Variants in BRINP3 observed in about 807,000 individuals in gnomAD.
BRINP3 encodes BMP/retinoic acid inducible neural specific 3, also known as BMP/retinoic acid-inducible neural-specific protein 3.
BRINP3 carries 19 observed loss-of-function variants against 71.0 expected under a neutral mutation model. The ratio of observed to expected loss-of-function variants is 0.27; its 90% CI spans 0.19 to 0.39. The LOEUF (loss-of-function observed/expected upper bound fraction) is 0.39, where lower values mean the gene tolerates loss of function less well. Ranked by LOEUF, BRINP3 falls within the 10% of genes least tolerant of loss-of-function variation. The probability of loss-of-function intolerance (pLI) is 1.00; values close to 1 mark genes in which losing one functional copy is unlikely to be tolerated. For synonymous variants in BRINP3, 380 were observed against 337.7 expected (o/e 1.13, Z -1.37); for missense variants, 959 against 940.8 (o/e 1.02, Z -0.25).
At chr1:190,444,324 A>G (rs1489162196) in intron 2 of BRINP3, among the ~76,000 whole-genome samples, 1 of 147,762 alleles carries the variant, frequency 6.8e-6, no homozygotes, top group Non-Finnish European at 1.5e-5. Flanking sequence ...TTTAAATCCA[A>G]TTTTCTTCTT....
At position 190,123,189 on chromosome 1, in the gene BRINP3, A is replaced by G. The variant is rs1653824305; in HGVS notation, c.1185-24055T>C. Among the ~76,000 whole-genome samples the G allele has an allele frequency of 2.0e-5, 3 of 152,232 alleles. No homozygotes were observed. The South Asian group carries it at 6.2e-4, about 32-fold the overall frequency. ...TATGATAATACTTGTTGCTTGCTCA[A>G]AAAGTATTGGACTCTTGGCTCTCTG... On this transcript the variant is annotated intron_variant, in intron 7 of 7. Coordinates refer to ENST00000367462, the MANE Select transcript of BRINP3 (RefSeq NM_199051.3).
At chr1:190,167,960 G>A (rs1158698084) in intron 6 of BRINP3, among the ~76,000 whole-genome samples, 1 of 152,024 alleles carries the variant, frequency 6.6e-6, no homozygotes, top group Non-Finnish European at 1.5e-5. Context: ...TATAGGATAG[G>A]GACATCAGAG....
intron 7 of BRINP3, among the ~76,000 whole-genome samples, chr1:190,124,831 A>G (rs1056188876): frequency 1.3e-5 from 2 of 152,094 alleles, no homozygotes; most frequent in African/African-American, 4.8e-5. Context: ...TGCACCACTT[A>G]TGGAAGTAAA....
At chr1:190,417,197 A>G (rs1189064228) in intron 2 of BRINP3, among the ~76,000 whole-genome samples, 1 of 152,076 alleles carries the variant, frequency 6.6e-6, no homozygotes, top group African/African-American at 2.4e-5. Flanking sequence ...CTCGTTTAAG[A>G]GGTGATTTTT....
chr1:190,227,230 T>A (rs1657473586), intron 5 of BRINP3, among the ~76,000 whole-genome samples: 1 of 151,850 alleles, frequency 6.6e-6, no homozygotes, highest in African/African-American at 2.4e-5. Context: ...GTTTTCTGTT[T>A]AACAAAAAAA....
intron 2 of BRINP3, among the ~76,000 whole-genome samples, chr1:190,421,457 GTTATT>G (rs978645672): frequency 4.6e-5 from 7 of 151,348 alleles, no homozygotes; most frequent in African/African-American, 1.2e-4. Context: ...GGATCTACAT[GTTATT>G]TTATTTAATC....
intron 2 of BRINP3, among the ~76,000 whole-genome samples, chr1:190,414,847 A>C (rs1672911968): frequency 6.6e-6 from 1 of 152,204 alleles, no homozygotes; most frequent in Admixed American, 6.5e-5. Context: ...CATTCAAATC[A>C]AGATAGAAGA....
intron 5 of BRINP3, among the ~76,000 whole-genome samples, chr1:190,230,832 C>T (rs1302298265): frequency 3.3e-5 from 5 of 151,322 alleles, no homozygotes; most frequent in African/African-American, 7.3e-5. Flanking sequence ...TTATTTCATT[C>T]GACTATCCCT....
At chr1:190,381,306 A>C (rs1185693) in intron 2 of BRINP3, among the ~76,000 whole-genome samples, 117,505 of 152,002 alleles carry the variant, frequency 0.77, 45,454 homozygotes, top group Middle Eastern at 0.82. Flanking sequence ...AAACAAAAAA[A>C]CACCGACGAT....
At chr1:190,322,832 T>C (rs1666334450) in intron 2 of BRINP3, among the ~76,000 whole-genome samples, 1 of 152,088 alleles carries the variant, frequency 6.6e-6, no homozygotes, top group Non-Finnish European at 1.5e-5. Flanking sequence ...CAAATCACCA[T>C]CATCATCATT....
chr1:190,151,697 T>C (rs572667394), intron 7 of BRINP3, among the ~76,000 whole-genome samples: 2 of 152,294 alleles, frequency 1.3e-5, no homozygotes, highest in Non-Finnish European at 2.9e-5. Context: ...GTGTAATCTC[T>C]GAGTCCATTT....
chr1:190,196,199 A>G (rs754193393), intron 6 of BRINP3, among the ~76,000 whole-genome samples: 1 of 152,140 alleles, frequency 6.6e-6, no homozygotes, highest in Non-Finnish European at 1.5e-5. Context: ...TTCTTTGTAC[A>G]TTAGATTTAG....
In BRINP3 at chr1:190,264,811, T is replaced by C. The variant is rs1217495973; in HGVS notation, c.618+54A>G. ...CAAATACATAAAAATGCCTTTTGGATATAGAGGAAACAAACAATGGAAGGT... is the reference window on the plus strand; with the variant it reads ...CAAATACATAAAAATGCCTTTTGGACATAGAGGAAACAAACAATGGAAGGT... On this transcript the variant is annotated intron_variant, in intron 4 of 7. Coordinates refer to ENST00000367462, the MANE Select transcript of BRINP3 (RefSeq NM_199051.3). 3 of 1,476,334 alleles carry C rather than the reference T, an allele frequency of 2.0e-6. No homozygotes were observed. In the African/African-American group the frequency reaches 4.2e-5, roughly 21 times the overall value. 91.5% of individuals were successfully genotyped at this position (1,476,334 alleles called of 1,614,324 possible). A position where few individuals can be genotyped will look rare whatever the true frequency, so the allele number is the denominator to read the frequency against.
intron 2 of BRINP3, among the ~76,000 whole-genome samples, chr1:190,334,693 A>G (rs575421448): frequency 6.6e-6 from 1 of 151,978 alleles, no homozygotes; most frequent in African/African-American, 2.4e-5. Context: ...GGGTGTTTAA[A>G]TGGCATGTAA....
rs568461742 is a variant in BRINP3, at chr1:190,449,277, AT to A, written c.236+5377del. Among the ~76,000 whole-genome samples, 129 of 151,496 alleles carry A rather than the reference AT, an allele frequency of 8.5e-4. 1 individual carries two copies. The highest frequency in any genetic ancestry group is 3.0e-3 in the African/African-American group (124 of 41,342). ...CCAAACTCCTTTTTATTTTCACCCT[AT>A]TTTTTTCTTGCCGTATGGTCTTCTG... On this transcript the variant is annotated intron_variant, in intron 2 of 7. Coordinates refer to ENST00000367462, the MANE Select transcript of BRINP3 (RefSeq NM_199051.3).
intron 2 of BRINP3, among the ~76,000 whole-genome samples, chr1:190,417,945 A>G (rs2102443306): frequency 6.6e-6 from 1 of 152,316 alleles, no homozygotes; most frequent in South Asian, 2.1e-4. Flanking sequence ...GCAGCCAGAT[A>G]ACACATGATA....
chr1:190,443,006 G>A (rs537892589), intron 2 of BRINP3, among the ~76,000 whole-genome samples: 80 of 147,226 alleles, frequency 5.4e-4, no homozygotes, highest in Admixed American at 1.3e-3. Flanking sequence ...TCTGCCTCCC[G>A]GGTTCAAGTG....
intron 3 of BRINP3, among the ~76,000 whole-genome samples, chr1:190,277,690 A>C (rs1558138051): frequency 6.6e-6 from 1 of 151,728 alleles, no homozygotes; most frequent in Non-Finnish European, 1.5e-5. Context: ...GATACACTTT[A>C]ATTTTAGTAT....
intron 6 of BRINP3, among the ~76,000 whole-genome samples, chr1:190,198,937 T>C (rs1654744180): frequency 6.6e-6 from 1 of 152,150 alleles, no homozygotes; most frequent in African/African-American, 2.4e-5. Context: ...TGTGTTACTC[T>C]GTTACCACAC....
Sources: gnomAD v4.1 joint callset for allele counts (sites outside exome capture counted in the v4.1 genomes callset) on GRCh38, gnomAD v4.1.1 for gene constraint, MANE v1.5 for transcripts, NCBI Gene and HGNC (gene_info 2026-07-23, HGNC 2026-07-21) for gene names.